The following RAP1GDS1 variants were observed in gnomAD, a reference collection of about 807,000 sequenced individuals.
The protein encoded by RAP1GDS1 is RAP1, GTP-GDP dissociation stimulator 1.
A neutral mutation model predicts 71.1 loss-of-function variants in RAP1GDS1; 35 were observed. The observed-to-expected ratio is 0.49, with a 90% CI of 0.38 to 0.65. RAP1GDS1 has a LOEUF of 0.65. RAP1GDS1 is among the 30% of genes least tolerant of loss of function. The pLI is 0.00. For synonymous variants in RAP1GDS1, 229 were observed against 243.1 expected (o/e 0.94, Z 0.54); for missense variants, 663 against 706.1 (o/e 0.94, Z 0.69).
At chr4:98,298,981 A>C (rs1578349537) in intron 2 of RAP1GDS1, among the ~76,000 whole-genome samples, 1 of 152,292 alleles carries the variant, frequency 6.6e-6, no homozygotes, top group East Asian at 1.9e-4. Context: ...ATAGGTATAC[A>C]TGTGCCATGT....
At chr4:98,438,567 CATATATATATAT>C (rs36034058) in intron 14 of RAP1GDS1, among the ~76,000 whole-genome samples, 2 of 104,732 alleles carry the variant, frequency 1.9e-5, no homozygotes, top group Admixed American at 1.3e-4. Flanking sequence ...TTTATTCTTC[CATATATATATAT>C]ATATATATAT....
chr4:98,268,836 A>G (rs1236414597), intron 1 of RAP1GDS1, among the ~76,000 whole-genome samples: 1 of 152,156 alleles, frequency 6.6e-6, no homozygotes, highest in East Asian at 1.9e-4. Context: ...GATATCCCAT[A>G]TTCATAAATT....
In RAP1GDS1 at chr4:98,366,065, A is replaced by G. The variant is rs376258748; in HGVS notation, c.362-12952A>G. ...CTCTTTCTCTCACTCTCTTTTCAACATAATATGGGTGAGTTAATAAGTATT... is the reference window on the plus strand; with the variant it reads ...CTCTTTCTCTCACTCTCTTTTCAACGTAATATGGGTGAGTTAATAAGTATT... On this transcript the variant is annotated intron_variant, in intron 4 of 14. Coordinates refer to ENST00000408927, the MANE Select transcript of RAP1GDS1 (RefSeq NM_001100427.2). Among the ~76,000 whole-genome samples, 27 of 152,328 alleles carry G rather than the reference A, an allele frequency of 1.8e-4. No individual in the cohort carries two copies. The South Asian group carries it at 2.3e-3, about 13-fold the overall frequency.
chr4:98,327,746 G>A (rs992936517), intron 2 of RAP1GDS1, among the ~76,000 whole-genome samples: 1 of 152,176 alleles, frequency 6.6e-6, no homozygotes, highest in Non-Finnish European at 1.5e-5. Context: ...GGTGATTGGT[G>A]ACCAGGAATC....
chr4:98,277,017 G>A (rs1308664221), intron 1 of RAP1GDS1, among the ~76,000 whole-genome samples: 3 of 152,072 alleles, frequency 2.0e-5, no homozygotes, highest in African/African-American at 4.8e-5. Flanking sequence ...TTAGTTAGGG[G>A]CAGTGTCAGG....
chr4:98,402,142 T>C (rs1366961333), intron 6 of RAP1GDS1, among the ~76,000 whole-genome samples: 1 of 152,120 alleles, frequency 6.6e-6, no homozygotes, highest in African/African-American at 2.4e-5. Flanking sequence ...GCATGATCTC[T>C]GCTCACTGCA....
At chr4:98,306,273 G>A (rs1729312650) in intron 2 of RAP1GDS1, among the ~76,000 whole-genome samples, 1 of 152,194 alleles carries the variant, frequency 6.6e-6, no homozygotes, top group African/African-American at 2.4e-5. Flanking sequence ...AGGCTGAGAA[G>A]TCCAAGATCA....
At chr4:98,350,276 G>A (rs1230404732) in intron 3 of RAP1GDS1, among the ~76,000 whole-genome samples, 2 of 152,166 alleles carry the variant, frequency 1.3e-5, no homozygotes, top group Non-Finnish European at 2.9e-5. Flanking sequence ...TTATGAATGA[G>A]TACAAATCAG....
chr4:98,397,987 T>C (rs2110140140), intron 6 of RAP1GDS1, among the ~76,000 whole-genome samples: 1 of 152,260 alleles, frequency 6.6e-6, no homozygotes. Context: ...TAGGGAATCT[T>C]GCAGTCAACA....
intron 1 of RAP1GDS1, among the ~76,000 whole-genome samples, chr4:98,292,398 T>C (rs1210775798): frequency 6.6e-6 from 1 of 152,022 alleles, no homozygotes; most frequent in East Asian, 1.9e-4. Context: ...CCTCCCAAAG[T>C]GATGGGATTA....
chr4:98,339,787 G>A (rs1735222107), intron 2 of RAP1GDS1, among the ~76,000 whole-genome samples: 1 of 152,216 alleles, frequency 6.6e-6, no homozygotes, highest in Admixed American at 6.5e-5. Flanking sequence ...AGCTGGAATA[G>A]CTATTATTAA....
chr4:98,388,042 T>C (rs1307421642), intron 5 of RAP1GDS1, among the ~76,000 whole-genome samples: 1 of 152,208 alleles, frequency 6.6e-6, no homozygotes, highest in Non-Finnish European at 1.5e-5. Flanking sequence ...TTGCAAGTTT[T>C]CTTTGGGCAA....
chr4:98,330,354 G>A (rs190213808), intron 2 of RAP1GDS1, among the ~76,000 whole-genome samples: 1,926 of 151,946 alleles, frequency 0.013, 17 homozygotes, highest in Non-Finnish European at 0.02. Context: ...CAGACGGGGT[G>A]GCGGCCGGGC....
intron 2 of RAP1GDS1, among the ~76,000 whole-genome samples, chr4:98,299,271 T>C (rs1193104110): frequency 2.6e-5 from 4 of 152,212 alleles, no homozygotes; most frequent in African/African-American, 9.6e-5. Context: ...TATTCTATGG[T>C]GTATATGTGC....
chr4:98,362,646 C>G (rs1470135775), intron 4 of RAP1GDS1, among the ~76,000 whole-genome samples: 1 of 152,118 alleles, frequency 6.6e-6, no homozygotes, highest in African/African-American at 2.4e-5. Context: ...TAGAAAAATA[C>G]GTTGCTGCTC....
At chr4:98,421,230 C>A (rs1302364238) in intron 11 of RAP1GDS1, 25 bp from the exon 12 acceptor site, 7 of 1,581,264 alleles carry the variant, frequency 4.4e-6, no homozygotes, top group African/African-American at 1.4e-5. Context: ...GTGATTCATT[C>A]CTTGGTTTGC....
At chr4:98,302,707 C>T (rs1728739414) in intron 2 of RAP1GDS1, among the ~76,000 whole-genome samples, 1 of 152,030 alleles carries the variant, frequency 6.6e-6, no homozygotes, top group South Asian at 2.1e-4. Flanking sequence ...AAAACAAATA[C>T]AGAGGAAAAA....
At chr4:98,407,427 G>A (rs947763310) in intron 7 of RAP1GDS1, among the ~76,000 whole-genome samples, 1 of 151,980 alleles carries the variant, frequency 6.6e-6, no homozygotes, top group African/African-American at 2.4e-5. Flanking sequence ...CAACCTAAGT[G>A]TCCATCAGTG....
chr4:98,330,519 G>C (rs1360219624), intron 2 of RAP1GDS1, among the ~76,000 whole-genome samples: 8 of 147,030 alleles, frequency 5.4e-5, no homozygotes, highest in Non-Finnish European at 7.5e-5. Flanking sequence ...GTGGTGGCCG[G>C]GTAAAGGCGC....
Sources: gnomAD v4.1 joint callset for allele counts (sites outside exome capture counted in the v4.1 genomes callset) on GRCh38, gnomAD v4.1.1 for gene constraint, MANE v1.5 for transcripts, NCBI Gene and HGNC (gene_info 2026-07-23, HGNC 2026-07-21) for gene names.